Variants in PCDH7 observed in about 807,000 individuals in gnomAD.
The protein encoded by PCDH7 is protocadherin 7.
A neutral mutation model predicts 58.9 loss-of-function variants in PCDH7; 17 were observed. The ratio of observed to expected loss-of-function variants is 0.29; its 90% CI spans 0.20 to 0.43. PCDH7 has a LOEUF of 0.43. Ranked by LOEUF, PCDH7 falls within the 20% of genes least tolerant of loss-of-function variation. The pLI is 1.00. For synonymous variants in PCDH7, 664 were observed against 616.4 expected, an observed-to-expected ratio of 1.08 and a Z score of -1.14; for missense variants, 1,274 against 1,441.0, an observed-to-expected ratio of 0.88 and a Z score of 1.88.
At chr4:30,733,520 T>C (rs774238661), downstream of PCDH7, among the ~76,000 whole-genome samples, 10 of 152,198 alleles carry the variant, frequency 6.6e-5, no homozygotes, top group South Asian at 1.2e-3. Context: ...TTCGAACCCC[T>C]GACCTCAGGG....
chr4:30,733,691 A>T (rs918086040), downstream of PCDH7, among the ~76,000 whole-genome samples: 3 of 152,220 alleles, frequency 2.0e-5, no homozygotes, highest in African/African-American at 7.2e-5. Flanking sequence ...GAGGAAAAGC[A>T]CCAGTTTACC....
intron 1 of PCDH7, among the ~76,000 whole-genome samples, chr4:30,896,889 CTTTTTTTT>C (rs71190474): frequency 1.4e-3 from 38 of 27,342 alleles, no homozygotes; most frequent in African/African-American, 5.9e-3. Flanking sequence ...TAGTTCTTTG[CTTTTTTTT>C]TTTTTTTTTT....
intron 3 of PCDH7, among the ~76,000 whole-genome samples, chr4:31,135,123 C>T (rs555377444): frequency 6.6e-6 from 1 of 152,036 alleles, no homozygotes; most frequent in Admixed American, 6.6e-5. Context: ...TAGGTATTTA[C>T]CCTGTGTTTA....
rs563261976 is a variant in PCDH7, at chr4:31,058,123, C to T, written c.*8-84350C>T. Among the ~76,000 whole-genome samples, 46 of 152,140 alleles carry T rather than the reference C, an allele frequency of 3.0e-4. No individual in the cohort carries two copies. The South Asian group carries it at 9.6e-3, about 32-fold the overall frequency. On this transcript the variant is annotated intron_variant, in intron 3 of 3. Coordinates refer to the PCDH7 transcript ENST00000509759. ...TTAGAAGCAGTAGAGAAAAATTTGG[C>T]TTCTCTGACACAACCAAAAAAATTA...
chr4:30,793,982 A>T (rs565171077), intron 1 of PCDH7: 2 of 152,348 alleles, frequency 1.3e-5, no homozygotes, highest in African/African-American at 4.8e-5. Flanking sequence ...CCTGAGGAAA[A>T]GAAATATGCA....
At chr4:30,808,157 C>T (rs1426887024) in intron 1 of PCDH7, among the ~76,000 whole-genome samples, 1 of 152,126 alleles carries the variant, frequency 6.6e-6, no homozygotes, top group Non-Finnish European at 1.5e-5. Flanking sequence ...AACAAACAGA[C>T]TGAAAACAGG....
intron 3 of PCDH7, among the ~76,000 whole-genome samples, chr4:31,106,593 C>T (rs968558570): frequency 6.6e-6 from 1 of 152,208 alleles, no homozygotes; most frequent in African/African-American, 2.4e-5. Context: ...TGCCTTTAGG[C>T]AGAAGTATGA....
At chr4:30,990,560 A>G (rs904706689) in intron 3 of PCDH7, among the ~76,000 whole-genome samples, 11 of 152,130 alleles carry the variant, frequency 7.2e-5, no homozygotes, top group Admixed American at 7.2e-4. Context: ...ACAATGTTTA[A>G]GAAGAATATA....
At chr4:31,051,878 T>C (rs1756772194) in intron 3 of PCDH7, among the ~76,000 whole-genome samples, 2 of 152,012 alleles carry the variant, frequency 1.3e-5, no homozygotes, top group South Asian at 4.1e-4. Context: ...ATTTATTTAA[T>C]ATAGCTTCAG....
At chr4:31,013,870 C>T (rs1290750386) in intron 3 of PCDH7, among the ~76,000 whole-genome samples, 1 of 152,084 alleles carries the variant, frequency 6.6e-6, no homozygotes, top group Non-Finnish European at 1.5e-5. Flanking sequence ...GTTACATTGG[C>T]ATTCATGTTA....
intron 3 of PCDH7, among the ~76,000 whole-genome samples, chr4:31,116,886 A>C (rs879606626): frequency 1.3e-5 from 2 of 151,960 alleles, no homozygotes; most frequent in East Asian, 3.9e-4. Flanking sequence ...CCCAGGCTGG[A>C]GTGCAATGGC....
chr4:31,053,419 C>T (rs1473793676), intron 3 of PCDH7, among the ~76,000 whole-genome samples: 1 of 152,038 alleles, frequency 6.6e-6, no homozygotes, highest in Non-Finnish European at 1.5e-5. Flanking sequence ...AGGCCACTAA[C>T]TTTGATTCTT....
chr4:30,900,753 T>C (rs1166920554), intron 1 of PCDH7, among the ~76,000 whole-genome samples: 3 of 152,176 alleles, frequency 2.0e-5, no homozygotes, highest in Non-Finnish European at 4.4e-5. Flanking sequence ...TTCATAGTGC[T>C]GTCTAGTGAT....
At chr4:30,934,222 T>G (rs2109429352) in intron 2 of PCDH7, among the ~76,000 whole-genome samples, 1 of 152,342 alleles carries the variant, frequency 6.6e-6, no homozygotes, top group South Asian at 2.1e-4. Context: ...ATGCTTTTTC[T>G]TTCGCTGCCT....
intron 1 of PCDH7, among the ~76,000 whole-genome samples, chr4:30,754,602 G>T (rs184199491): frequency 2.2e-4 from 34 of 152,048 alleles, no homozygotes; most frequent in Non-Finnish European, 4.0e-4. Flanking sequence ...AAAAATGAAG[G>T]TCACACAATA....
intron 3 of PCDH7, among the ~76,000 whole-genome samples, chr4:30,953,780 G>A (rs1747583021): frequency 6.6e-6 from 1 of 152,006 alleles, no homozygotes; most frequent in Non-Finnish European, 1.5e-5. Context: ...GGTTGCCTGA[G>A]GTGAATCTTT....
At chr4:30,796,682 T>C (rs1442300787) in intron 1 of PCDH7, among the ~76,000 whole-genome samples, 1 of 152,246 alleles carries the variant, frequency 6.6e-6, no homozygotes, top group East Asian at 1.9e-4. Context: ...GCCAGTTTGC[T>C]TTTAATACGT....
intron 1 of PCDH7, among the ~76,000 whole-genome samples, chr4:30,852,885 C>A (rs945190944): frequency 6.8e-6 from 1 of 147,598 alleles, no homozygotes; most frequent in Non-Finnish European, 1.5e-5. Flanking sequence ...GATTCGGCTT[C>A]ACTGAACAGC....
chr4:30,966,749 G>A (rs376626122), intron 3 of PCDH7, among the ~76,000 whole-genome samples: 1 of 151,948 alleles, frequency 6.6e-6, no homozygotes, highest in African/African-American at 2.4e-5. Context: ...TTGCAAATAG[G>A]GAACAAAACT....
Sources: gnomAD v4.1 joint callset for allele counts (sites outside exome capture counted in the v4.1 genomes callset) on GRCh38, gnomAD v4.1.1 for gene constraint, MANE v1.5 for transcripts, NCBI Gene and HGNC (gene_info 2026-07-23, HGNC 2026-07-21) for gene names.